Variants in FAM91A1 observed in about 807,000 individuals in gnomAD.
FAM91A1 encodes family with sequence similarity 91 member A1, also known as protein FAM91A1.
FAM91A1 carries 41 observed loss-of-function variants against 113.5 expected under a neutral mutation model. The ratio of observed to expected loss-of-function variants is 0.36; its 90% CI spans 0.28 to 0.47. The LOEUF is 0.47. FAM91A1 is among the 20% of genes least tolerant of loss of function. The pLI is 1.00. For synonymous variants in FAM91A1, 307 were observed against 347.9 expected (o/e 0.88, Z 1.31); for missense variants, 696 against 1,001.2 (o/e 0.70, Z 4.11).
At chr8:123,794,975 C>T (rs1815476056) in intron 15 of FAM91A1, among the ~76,000 whole-genome samples, 1 of 152,204 alleles carries the variant, frequency 6.6e-6, no homozygotes, top group Non-Finnish European at 1.5e-5. Context: ...AAACATTGCG[C>T]TTTTTGCAAA....
intron 16 of FAM91A1, 123 bp downstream of exon 16, chr8:123,798,361 A>T: frequency 8.9e-7 from 1 of 1,121,036 alleles, no homozygotes; most frequent in Non-Finnish European, 1.2e-6. Context: ...TTTGTATTTT[A>T]TGCCTTTGTA....
intron 1 of FAM91A1, among the ~76,000 whole-genome samples, chr8:123,769,918 G>T (rs1814798515): frequency 6.6e-6 from 1 of 152,056 alleles, no homozygotes. Context: ...TGGAATGGTG[G>T]CGGTGATGGT....
chr8:123,803,119 CAT>C (rs1269071535), intron 18 of FAM91A1, among the ~76,000 whole-genome samples: 3 of 152,074 alleles, frequency 2.0e-5, no homozygotes, highest in African/African-American at 7.2e-5. Flanking sequence ...ACTTGGATAA[CAT>C]AGTGAAACCC....
intron 1 of FAM91A1, among the ~76,000 whole-genome samples, chr8:123,773,481 A>C (rs1814907165): frequency 6.6e-6 from 1 of 152,244 alleles, no homozygotes; most frequent in Non-Finnish European, 1.5e-5. Flanking sequence ...CACTAAGTGC[A>C]TACTAGAAAG....
At chr8:123,809,430 T>C (rs1209211657) in intron 22 of FAM91A1, among the ~76,000 whole-genome samples, 2 of 152,220 alleles carry the variant, frequency 1.3e-5, no homozygotes, top group Non-Finnish European at 2.9e-5. Context: ...GGAATTATGA[T>C]GACTTTGCAA....
Position 123,806,126 on chromosome 8 carries a change from A to G in FAM91A1, c.1929A>G (p.Leu643=). ...NMGVHKALQI[L]RNRVDLQHLC... is the part of the protein sequence containing the mutation. ...GTGTTCATAAAGCATTGCAGATACT[A>G]AGGAACAGAGTGGACTTACAGCATC... Residue 643 remains leucine, a synonymous_variant, in exon 20 of 24, where the codon CTA becomes CTG. Transcript: ENST00000334705. 2 of 1,612,330 alleles carry G rather than the reference A, an allele frequency of 1.2e-6. No individual in the cohort carries two copies. Among genetic ancestry groups the G allele is most frequent in the Non-Finnish European group, 8.5e-7 (1 of 1,179,072 alleles).
intron 10 of FAM91A1, 142 bp from the exon 11 acceptor site, chr8:123,785,487 A>C: frequency 6.3e-6 from 4 of 638,098 alleles, no homozygotes; most frequent in Non-Finnish European, 1.1e-5. Flanking sequence ...AGGGAGGAGC[A>C]GGTCTACTGA....
chr8:123,775,339 G>C, intron 3 of FAM91A1, 41 bp downstream of exon 3: 1 of 1,594,780 alleles, frequency 6.3e-7, no homozygotes. Flanking sequence ...AATGGGATGG[G>C]ACTACATGTC....
At chr8:123,785,852 C>T in intron 11 of FAM91A1, 111 bp downstream of exon 11, 1 of 662,394 alleles carries the variant, frequency 1.5e-6, no homozygotes, top group Non-Finnish European at 2.4e-6. Flanking sequence ...AAGTCTCTCT[C>T]TGTCATCCAG....
Position 123,768,584 on chromosome 8 carries a change from C to A in FAM91A1, c.-119C>A, listed in dbSNP as rs12334564. On this transcript the variant is annotated 5_prime_UTR_variant, in exon 1 of 24. The change creates a new upstream start codon in the 5' untranslated region. Transcript: ENST00000334705. The stretch of plus-strand genomic sequence containing the variant: ...TAGGCCATGGGGCAGCCTGGGCCTT[C>A]TGCAGTGTGAGGCGCGGGGCCTCCC... The A allele has an allele frequency of 0.67, 564,273 of 845,832 alleles. 195,334 individuals carry two copies. The highest frequency in any genetic ancestry group is 0.72 in the Middle Eastern group (1,975 of 2,754). 52.4% of individuals were successfully genotyped at this position (845,832 alleles called of 1,614,324 possible).
chr8:123,801,791 TG>T (rs748060059), intron 18 of FAM91A1, among the ~76,000 whole-genome samples: 25 of 147,064 alleles, frequency 1.7e-4, no homozygotes, highest in Non-Finnish European at 2.4e-4. Flanking sequence ...ATTAAATCTC[TG>T]GGCAAGGATT....
intron 15 of FAM91A1, among the ~76,000 whole-genome samples, chr8:123,791,487 A>G (rs777141942): frequency 1.1e-4 from 17 of 152,126 alleles, no homozygotes; most frequent in Non-Finnish European, 2.4e-4. Context: ...GTCCTGTGCA[A>G]TCCTAACCTT....
intron 15 of FAM91A1, among the ~76,000 whole-genome samples, chr8:123,794,509 C>A (rs1456021042): frequency 2.0e-5 from 3 of 152,216 alleles, no homozygotes; most frequent in Non-Finnish European, 2.9e-5. Context: ...ACCTGTAGTA[C>A]ATATGGTACT....
intron 23 of FAM91A1, chr8:123,812,317 T>C (rs1815976398): frequency 2.4e-6 from 1 of 408,966 alleles, no homozygotes; most frequent in Non-Finnish European, 4.3e-6. Flanking sequence ...TTACTACAGT[T>C]TAACGTTGTT....
At chr8:123,810,245 T>A in intron 22 of FAM91A1, 37 bp from the exon 23 acceptor site, 1 of 1,578,786 alleles carries the variant, frequency 6.3e-7, no homozygotes, top group Non-Finnish European at 8.6e-7. Context: ...TGCCTTTATG[T>A]TTGTTTTAAA....
chr8:123,780,076 G>A lies in FAM91A1; in HGVS notation c.640+1G>A. 1.9e-6 allele frequency: 3 copies of A among 1,609,166 alleles called. No individual in the cohort carries two copies. The highest frequency in any genetic ancestry group is 1.7e-4 in the Middle Eastern group (1 of 6,032). Reference sequence around the variant, plus strand: ...TCACTAGATTACAATGTAGTACATAGTAAGTGGTTAGTAGAAATGGTCTTT... The same window carrying A: ...TCACTAGATTACAATGTAGTACATAATAAGTGGTTAGTAGAAATGGTCTTT... On this transcript the variant is annotated splice_donor_variant, in intron 7 of 23. Coordinates refer to ENST00000334705, the MANE Select transcript of FAM91A1 (RefSeq NM_144963.4). LOFTEE classifies it high-confidence loss of function.
intron 4 of FAM91A1, 32 bp downstream of exon 4, chr8:123,777,354 GT>G (rs755127702): frequency 6.3e-7 from 1 of 1,585,294 alleles, no homozygotes; most frequent in East Asian, 2.3e-5. Context: ...AGAAGGTAAT[GT>G]TTAGGTTGTG....
intron 18 of FAM91A1, among the ~76,000 whole-genome samples, chr8:123,802,075 T>C (rs1323520474): frequency 6.6e-6 from 1 of 151,988 alleles, no homozygotes; most frequent in Non-Finnish European, 1.5e-5. Flanking sequence ...GACCTGTAGA[T>C]TGATGGTAGC....
rs570344001 is a variant in FAM91A1 at position 123,799,832 on chromosome 8, A to T, written c.1756A>T (p.Asn586Tyr). The change falls in exon 18 of 24, where the codon AAT (asparagine) becomes TAT (tyrosine). Residue 586 changes from asparagine to tyrosine, a missense_variant. Asn to Tyr is a moderately radical substitution (Grantham distance 143). Transcript: ENST00000334705. ...TGATCCTGGAGTAGTTCCTACCTCA[A>T]ATGTGCTCACGATGTTGAATGATGC... ...GHDPGVVPTS[N>Y]VLTMLNDALT... The T allele has an allele frequency of 4.3e-6, 7 of 1,609,728 alleles. No individual in the cohort carries two copies. Among genetic ancestry groups the T allele is most frequent in the Non-Finnish European group, 5.9e-6 (7 of 1,176,522 alleles).
Sources: gnomAD v4.1 joint callset for allele counts (sites outside exome capture counted in the v4.1 genomes callset) on GRCh38, gnomAD v4.1.1 for gene constraint, MANE v1.5 for transcripts, NCBI Gene and HGNC (gene_info 2026-07-23, HGNC 2026-07-21) for gene names.